Variants in KALRN observed in about 807,000 individuals in gnomAD.
The protein encoded by KALRN is kalirin.
A neutral mutation model predicts 353.7 loss-of-function variants in KALRN; 70 were observed. That is an observed-to-expected ratio of 0.20 (90% CI 0.16 to 0.24). The LOEUF is 0.24. Among genes scored for constraint, KALRN ranks in the 10% least tolerant of loss-of-function variants. The probability of loss-of-function intolerance (pLI) is 1.00; values close to 1 mark genes in which losing one functional copy is unlikely to be tolerated. For synonymous variants in KALRN, 1,391 were observed against 1,434.8 expected, an observed-to-expected ratio of 0.97 and a Z score of 0.69; for missense variants, 2,791 against 3,756.7, an observed-to-expected ratio of 0.74 and a Z score of 6.72.
chr3:124,310,812 A>G (rs1296249875), intron 6 of KALRN, among the ~76,000 whole-genome samples: 2 of 152,218 alleles, frequency 1.3e-5, no homozygotes, highest in African/African-American at 4.8e-5. Context: ...ATGACAGTCA[A>G]GAGATGAAAA....
At position 124,719,406 on chromosome 3, in the gene KALRN, A is replaced by G. The variant is rs767482749; in HGVS notation, c.8897A>G (p.Asn2966Ser). 1.9e-6 allele frequency: 3 copies of G among 1,614,182 alleles called. No homozygotes were observed. The Admixed American group carries it at 5.0e-5, about 27-fold the overall frequency. Residue 2966 changes from asparagine (N) to serine (S), a missense_variant, in exon 60 of 60, where the codon AAT becomes AGT. By Grantham distance (46) the Asn-to-Ser change is conservative. Around this residue, in one of 11 missense-constraint regions of KALRN, gnomAD observed 188 missense variants for 402.9 expected, o/e 0.47. Transcript: ENST00000682506. The surrounding 1 kb of genome is among the most constrained non-coding windows in gnomAD (Gnocchi z 5.3). The stretch of plus-strand genomic sequence containing the variant: ...TTCATAGAACGTCGCAAGCACCAGA[A>G]TGATGTGCGGCCTATTCCCAATGTC... ...ACFIERRKHQ[N>S]DVRPIPNVKS...
At chr3:124,186,670 G>A (rs1006310890) in intron 1 of KALRN, among the ~76,000 whole-genome samples, 7 of 152,194 alleles carry the variant, frequency 4.6e-5, no homozygotes, top group African/African-American at 1.7e-4. Flanking sequence ...CATCAGCAGG[G>A]AGCTAAGGCC....
chr3:124,671,201 C>A (rs536274036), intron 47 of KALRN, among the ~76,000 whole-genome samples: 48 of 152,338 alleles, frequency 3.2e-4, no homozygotes, highest in African/African-American at 1.1e-3. Context: ...TCATGACCTT[C>A]AGAATTCAGT....
chr3:124,045,541 G>C (rs2332739), intron 1 of KALRN, among the ~76,000 whole-genome samples: 136,275 of 152,176 alleles, frequency 0.9, 62,294 homozygotes, highest in South Asian at 1. Context: ...AGTTTTGACA[G>C]CTAAGTATCA....
At chr3:124,431,731 A>G (rs1264629724) in intron 16 of KALRN, among the ~76,000 whole-genome samples, 2 of 152,262 alleles carry the variant, frequency 1.3e-5, no homozygotes, top group Non-Finnish European at 2.9e-5. Context: ...TTCTACAACA[A>G]TCATGGCAAA....
intron 1 of KALRN, among the ~76,000 whole-genome samples, chr3:124,120,385 GAA>G (rs2063858252): frequency 6.6e-6 from 1 of 152,164 alleles, no homozygotes; most frequent in Non-Finnish European, 1.5e-5. Context: ...CCCCACAGAT[GAA>G]ATATGACTTT....
At chr3:124,170,009 G>T (rs2071504765) in intron 1 of KALRN, among the ~76,000 whole-genome samples, 1 of 152,188 alleles carries the variant, frequency 6.6e-6, no homozygotes, top group Non-Finnish European at 1.5e-5. Flanking sequence ...GGCTGGCTTG[G>T]TTGAAACTCA....
chr3:124,418,286 T>C (rs1035059787), intron 14 of KALRN, among the ~76,000 whole-genome samples: 2 of 152,208 alleles, frequency 1.3e-5, no homozygotes, highest in South Asian at 4.1e-4. Context: ...GAGAATCACC[T>C]GGGAACTTCT....
Position 124,576,541 on chromosome 3 carries a change from G to T in KALRN, c.5182+13452G>T, listed in dbSNP as rs112112789. On this transcript the variant is annotated intron_variant, in intron 34 of 59. Transcript: ENST00000682506. ...CCTGATTGAGGAAGTCTTCTCTGGGGACGTATGGGTTAAGTACCTCTCATT... is the reference window on the plus strand; with the variant it reads ...CCTGATTGAGGAAGTCTTCTCTGGGTACGTATGGGTTAAGTACCTCTCATT... Among the ~76,000 whole-genome samples the T allele has an allele frequency of 4.3e-3, 656 of 152,278 alleles. 2 individuals are homozygous for T. The highest frequency in any genetic ancestry group is 0.015 in the African/African-American group (642 of 41,556).
At chr3:124,455,049 C>A in intron 21 of KALRN, 128 bp from the exon 22 acceptor site, 1 of 917,632 alleles carries the variant, frequency 1.1e-6, no homozygotes, top group Non-Finnish European at 1.7e-6. Flanking sequence ...AGTAACAAAG[C>A]TGGGATACAT....
chr3:124,142,033 A>C (rs1170600573), intron 1 of KALRN, among the ~76,000 whole-genome samples: 1 of 152,190 alleles, frequency 6.6e-6, no homozygotes, highest in African/African-American at 2.4e-5. Flanking sequence ...GTAAAAATAC[A>C]TAATAGGCCC....
intron 34 of KALRN, among the ~76,000 whole-genome samples, chr3:124,616,477 C>T (rs890067223): frequency 2.0e-5 from 3 of 152,198 alleles, no homozygotes; most frequent in African/African-American, 2.4e-5. Context: ...AATACCATCT[C>T]CAGGAGTCTC....
chr3:124,369,525 A>G (rs1249975026), intron 10 of KALRN, among the ~76,000 whole-genome samples: 1 of 152,216 alleles, frequency 6.6e-6, no homozygotes, highest in Non-Finnish European at 1.5e-5. Context: ...TTGTTTTGAA[A>G]TATATATACA....
intron 22 of KALRN, among the ~76,000 whole-genome samples, chr3:124,455,692 A>G (rs573818538): frequency 4.9e-4 from 75 of 152,310 alleles, no homozygotes; most frequent in South Asian, 1.4e-3. Flanking sequence ...CATAAGTACC[A>G]TCTTCCACCC....
chr3:124,575,160 TG>T (rs1466495353), intron 34 of KALRN, among the ~76,000 whole-genome samples: 1 of 152,270 alleles, frequency 6.6e-6, no homozygotes, highest in African/African-American at 2.4e-5. Flanking sequence ...GTGGTAGGAC[TG>T]GGTTGTCTTG....
intron 49 of KALRN, among the ~76,000 whole-genome samples, chr3:124,676,502 T>C (rs181669098): frequency 1.2e-4 from 18 of 152,322 alleles, no homozygotes; most frequent in Admixed American, 8.5e-4. Flanking sequence ...CAAACCATGA[T>C]GACGAGTTCT....
chr3:124,449,396 A>C (rs1447675607), intron 21 of KALRN, among the ~76,000 whole-genome samples: 1 of 152,218 alleles, frequency 6.6e-6, no homozygotes, highest in African/African-American at 2.4e-5. Flanking sequence ...CATCATTTTC[A>C]TGTTGTGGTA....
intron 1 of KALRN, among the ~76,000 whole-genome samples, chr3:124,161,199 T>A (rs1343407620): frequency 2.0e-5 from 3 of 152,194 alleles, no homozygotes; most frequent in Non-Finnish European, 4.4e-5. Flanking sequence ...GTAATGTACA[T>A]ACAGGACAAA....
chr3:124,240,818 A>G (rs879055196), intron 3 of KALRN, among the ~76,000 whole-genome samples: 1 of 152,138 alleles, frequency 6.6e-6, no homozygotes, highest in Admixed American at 6.5e-5. Context: ...TAATATTCTA[A>G]TTTTTATTTT....
Sources: allele counts gnomAD v4.1 joint callset (sites outside exome capture counted in the v4.1 genomes callset), GRCh38; gene constraint gnomAD v4.1.1; regional missense constraint gnomAD v4.1.1; non-coding constraint Gnocchi (gnomAD v3.1); transcripts MANE v1.5; gene names NCBI Gene and HGNC (gene_info 2026-07-23, HGNC 2026-07-21).